The following GRM5 variants were observed in gnomAD, a reference collection of about 807,000 sequenced individuals.
GRM5 encodes the protein glutamate metabotropic receptor 5, also known as metabotropic glutamate receptor 5.
Under a neutral mutation model 83.1 loss-of-function variants are expected in GRM5, and 19 were observed. The observed-to-expected ratio is 0.23, with a 90% confidence interval of 0.16 to 0.34. The LOEUF is 0.34. Among genes scored for constraint, GRM5 ranks in the 10% least tolerant of loss-of-function variants. The probability of loss-of-function intolerance (pLI) is 1.00; values close to 1 mark genes in which losing one functional copy is unlikely to be tolerated. For synonymous variants in GRM5, 675 were observed against 633.6 expected (o/e 1.07, Z -0.98); for missense variants, 1,160 against 1,588.3 (o/e 0.73, Z 4.58).
intron 7 of GRM5, among the ~76,000 whole-genome samples, chr11:88,578,941 A>G (rs1351878673): frequency 6.6e-6 from 1 of 152,036 alleles, no homozygotes; most frequent in African/African-American, 2.4e-5. Flanking sequence ...TCACTTCCAT[A>G]TTTCCTGCAG....
intron 7 of GRM5, among the ~76,000 whole-genome samples, chr11:88,571,153 C>A (rs771845853): frequency 1.3e-5 from 2 of 152,048 alleles, no homozygotes; most frequent in Non-Finnish European, 2.9e-5. Context: ...AGTTTAATTT[C>A]TAAATACTTT....
chr11:88,783,168 C>A (rs866192219), intron 3 of GRM5, among the ~76,000 whole-genome samples: 4 of 152,058 alleles, frequency 2.6e-5, no homozygotes, highest in Admixed American at 2.0e-4. Flanking sequence ...AACATTTTCC[C>A]ATAATCTTAG....
At chr11:88,944,824 C>T (rs975662336) in intron 2 of GRM5, among the ~76,000 whole-genome samples, 7 of 151,854 alleles carry the variant, frequency 4.6e-5, no homozygotes, top group African/African-American at 1.2e-4. Context: ...TTCCCAGTCT[C>T]ACCAATCATA....
intron 3 of GRM5, among the ~76,000 whole-genome samples, chr11:88,847,702 G>T (rs1267239197): frequency 6.6e-6 from 1 of 152,084 alleles, no homozygotes; most frequent in Non-Finnish European, 1.5e-5. Context: ...TGATGTTCAA[G>T]TAAATGTCAA....
intron 4 of GRM5, among the ~76,000 whole-genome samples, chr11:88,652,606 G>A (rs1311065683): frequency 6.6e-6 from 1 of 151,984 alleles, no homozygotes; most frequent in Non-Finnish European, 1.5e-5. Flanking sequence ...TACATTCTTA[G>A]CATCTTATAA....
In GRM5 at chr11:88,883,777, G is replaced by A. The variant is rs567624061; in HGVS notation, c.662-33622C>T. On this transcript the variant is annotated intron_variant, in intron 2 of 9. Transcript: ENST00000305447. ...GGCCCACTTGCTGTAGGCGGCCTCA[G>A]GACATGGTGCCTTGCATCCCAGCTG... Among the ~76,000 whole-genome samples, 3 of 152,236 alleles carry A rather than the reference G, an allele frequency of 2.0e-5. No homozygotes were observed. The East Asian group carries it at 5.8e-4, about 29-fold the overall frequency.
chr11:88,792,925 G>A (rs1943203241), intron 3 of GRM5, among the ~76,000 whole-genome samples: 1 of 152,024 alleles, frequency 6.6e-6, no homozygotes, highest in Non-Finnish European at 1.5e-5. Flanking sequence ...TGTAAGATGG[G>A]CATGATCTAT....
chr11:89,024,720 T>C (rs755162428), intron 2 of GRM5, among the ~76,000 whole-genome samples: 2 of 152,212 alleles, frequency 1.3e-5, no homozygotes, highest in Non-Finnish European at 2.9e-5. Context: ...TCAATTCTTA[T>C]GTGTATTACT....
At chr11:88,844,183 G>T (rs1423429273) in intron 3 of GRM5, among the ~76,000 whole-genome samples, 1 of 152,008 alleles carries the variant, frequency 6.6e-6, no homozygotes, top group African/African-American at 2.4e-5. Flanking sequence ...TAATAAAACT[G>T]GTGACTTGAA....
intron 3 of GRM5, among the ~76,000 whole-genome samples, chr11:88,698,794 T>C (rs1173978869): frequency 6.6e-6 from 1 of 152,164 alleles, no homozygotes; most frequent in Non-Finnish European, 1.5e-5. Context: ...TTGCTCCTGG[T>C]ACAGAGAAGA....
intron 1 of GRM5, among the ~76,000 whole-genome samples, chr11:89,061,022 A>G (rs1398322910): frequency 6.6e-6 from 1 of 152,178 alleles, no homozygotes; most frequent in Non-Finnish European, 1.5e-5. Flanking sequence ...CTGCTTTGTA[A>G]TAATACATCT....
At chr11:88,543,289 C>T (rs1300338929) in intron 8 of GRM5, among the ~76,000 whole-genome samples, 5 of 152,102 alleles carry the variant, frequency 3.3e-5, no homozygotes, top group Non-Finnish European at 7.4e-5. Flanking sequence ...TCACATGGGG[C>T]CTTGTAGAGC....
intron 3 of GRM5, among the ~76,000 whole-genome samples, chr11:88,826,429 T>C (rs1416711278): frequency 6.6e-6 from 1 of 151,472 alleles, no homozygotes; most frequent in Non-Finnish European, 1.5e-5. Flanking sequence ...CAGACACACA[T>C]GTATGTACAA....
intron 3 of GRM5, among the ~76,000 whole-genome samples, chr11:88,659,124 AATGTAG>A: frequency 6.6e-6 from 1 of 152,304 alleles, no homozygotes; most frequent in South Asian, 2.1e-4. Flanking sequence ...AAGGAATCTT[AATGTAG>A]AACCTCCAAA....
intron 2 of GRM5, among the ~76,000 whole-genome samples, chr11:89,035,552 TC>T (rs1326114184): frequency 6.6e-6 from 1 of 151,906 alleles, no homozygotes; most frequent in Non-Finnish European, 1.5e-5. Context: ...TTTTTATTGT[TC>T]TTGAGGAAAG....
At chr11:88,737,340 A>G (rs1206302877) in intron 3 of GRM5, among the ~76,000 whole-genome samples, 1 of 152,048 alleles carries the variant, frequency 6.6e-6, no homozygotes, top group Non-Finnish European at 1.5e-5. Context: ...TGTTGAAGTC[A>G]AGAAGAGTGT....
chr11:88,789,896 C>G (rs1943141335), intron 3 of GRM5, among the ~76,000 whole-genome samples: 1 of 152,018 alleles, frequency 6.6e-6, no homozygotes, highest in Non-Finnish European at 1.5e-5. Flanking sequence ...ACTCTGTTGC[C>G]CAGGCTGGAG....
At chr11:88,901,464 G>A (rs1239814797) in intron 2 of GRM5, among the ~76,000 whole-genome samples, 1 of 152,092 alleles carries the variant, frequency 6.6e-6, no homozygotes, top group African/African-American at 2.4e-5. Context: ...TAATCTCTTA[G>A]ACATTCCCTG....
chr11:88,926,071 T>A (rs780623740), intron 2 of GRM5, among the ~76,000 whole-genome samples: 92 of 152,304 alleles, frequency 6.0e-4, no homozygotes, highest in Non-Finnish European at 1.1e-3. Flanking sequence ...GTCCAGCCAC[T>A]GATTGACCAG....
Sources: gnomAD v4.1 joint callset for allele counts (sites outside exome capture counted in the v4.1 genomes callset) on GRCh38, gnomAD v4.1.1 for gene constraint, MANE v1.5 for transcripts, NCBI Gene and HGNC (gene_info 2026-07-23, HGNC 2026-07-21) for gene names.